Variants in ZFP92 observed in about 807,000 individuals in gnomAD.
ZFP92 encodes ZFP92 zinc finger protein, also known as zinc finger protein 92 homolog.
In ZFP92, 2 loss-of-function variants were observed where a neutral mutation model predicts 7.6. The ratio of observed to expected loss-of-function variants is 0.26; its 90% CI spans 0.11 to 0.83. The LOEUF (loss-of-function observed/expected upper bound fraction) is 0.83, where lower values mean the gene tolerates loss of function less well. ZFP92 is among the 40% of genes least tolerant of loss of function. The probability of loss-of-function intolerance (pLI) is 0.65; values close to 1 mark genes in which losing one functional copy is unlikely to be tolerated. For missense variants in ZFP92, 324 were observed against 408.3 expected (o/e 0.79, Z 1.78); for synonymous variants, 226 against 183.6 (o/e 1.23, Z -1.87).
chrX:153,421,621 G>A lies in ZFP92; in HGVS notation c.1244G>A (p.Arg415His), dbSNP rs2089005808. ...GCCGCCAGGCCTTCCAGGCCCAGCC[G>A]CCGCTGACTCCCCGCCAGCGCACCC... The part of the protein sequence containing the change: ...STAARPSRPS[R>H]R Residue 415 changes from arginine to histidine, a missense_variant, in exon 6 of 6, where the codon CGC becomes CAC. By Grantham distance (29) the Arg-to-His change is conservative. Transcript: ENST00000338647. 7 of 986,158 alleles carry A rather than the reference G, an allele frequency of 7.1e-6. No individual in the cohort carries two copies. Among genetic ancestry groups the A allele is most frequent in the African/African-American group, 2.0e-5 (1 of 48,867 alleles). The allele number at this position is 986,158 out of a possible 1,213,427, so 81.3% of individuals were successfully genotyped here. A position where few individuals can be genotyped will look rare whatever the true frequency, so the allele number is the denominator to read the frequency against.
intron 2 of ZFP92, among the ~76,000 whole-genome samples, chrX:153,414,134 C>T (rs1556973412): frequency 2.7e-5 from 3 of 112,229 alleles, no homozygotes; most frequent in Non-Finnish European, 5.6e-5. Context: ...AAAAAATGAG[C>T]TTATGCTGCT....
chrX:153,411,892 G>GAA (rs369394863), intron 1 of ZFP92, among the ~76,000 whole-genome samples, 73 bp from the exon 2 acceptor site: 1 of 8 alleles, frequency 0.12, no homozygotes, highest in Non-Finnish European at 0.17. Flanking sequence ...GGCGCCAGGG[G>GAA]AAGAGCCATC....
At position 153,411,499 on chromosome X, in the gene ZFP92, A is replaced by C. The variant is rs782800048; in HGVS notation, c.-272A>C. On this transcript the variant is annotated 5_prime_UTR_variant, in exon 1 of 6. Coordinates refer to ENST00000338647, the MANE Select transcript of ZFP92 (RefSeq NM_001136273.2). The stretch of plus-strand genomic sequence containing the variant: ...CCGCTCCCGGCCCGCTCGTCGGCGC[A>C]CCAGACTGAGACTCCCCTTCAGGAC... Among the ~76,000 whole-genome samples, 194 of 111,620 alleles carry C rather than the reference A, an allele frequency of 1.7e-3. No homozygotes were observed. Among genetic ancestry groups the C allele is most frequent in the African/African-American group, 6.0e-3 (185 of 30,825 alleles).
chrX:153,416,330 A>G (rs1220452645), intron 2 of ZFP92, among the ~76,000 whole-genome samples: 1 of 111,680 alleles, frequency 9.0e-6, no homozygotes, highest in East Asian at 2.8e-4. Context: ...TGGCATTTTG[A>G]TATGTGATAC....
chrX:153,417,792 A>G (rs1393705387), intron 2 of ZFP92, among the ~76,000 whole-genome samples: 2 of 111,670 alleles, frequency 1.8e-5, no homozygotes, highest in African/African-American at 6.5e-5. Flanking sequence ...TGTGACTGTG[A>G]CCTCATTTGG....
Position 153,421,456 on chromosome X carries a change from G to A in ZFP92, c.1079G>A (p.Arg360His), listed in dbSNP as rs1357616650. 8.7e-7 allele frequency: 1 copy of A among 1,150,154 alleles called. No individual in the cohort carries two copies. 94.8% of individuals were successfully genotyped at this position (1,150,154 alleles called of 1,213,427 possible). ...CSDCGKAFGRRANLFKHQAVH... is the reference protein window; with the variant it reads ...CSDCGKAFGRHANLFKHQAVH... ...GACTGCGGCAAGGCCTTCGGCCGGC[G>A]CGCCAACCTATTCAAGCACCAGGCA... Residue 360 changes from arginine to histidine, a missense_variant, in exon 6 of 6, where the codon CGC becomes CAC. Coordinates refer to ENST00000338647, the MANE Select transcript of ZFP92 (RefSeq NM_001136273.2).
intron 3 of ZFP92, among the ~76,000 whole-genome samples, 154 bp downstream of exon 3, chrX:153,418,509 G>A (rs1051391235): frequency 1.2e-4 from 13 of 111,583 alleles, no homozygotes; most frequent in South Asian, 7.6e-4. Context: ...TGCCTCTGTC[G>A]GCTGTGCTGC....
rs1418577016 is a variant in ZFP92, at chrX:153,422,626, C to T, written c.*998C>T. On this transcript the variant is annotated 3_prime_UTR_variant, in exon 6 of 6. Coordinates refer to ENST00000338647, the MANE Select transcript of ZFP92 (RefSeq NM_001136273.2). ...TTACCTGCTCCTCCCCATCAGGCAGCCTCTCTTGCGGCTGGTGACGATTAG... is the reference window on the plus strand; with the variant it reads ...TTACCTGCTCCTCCCCATCAGGCAGTCTCTCTTGCGGCTGGTGACGATTAG... 9.0e-6 allele frequency: 1 copy of T among 110,697 alleles called. No homozygotes were observed. Among genetic ancestry groups the T allele is most frequent in the Non-Finnish European group, 1.9e-5 (1 of 52,843 alleles). The allele number at this position is 110,697 out of a possible 1,213,427, so 9.1% of individuals were successfully genotyped here. A position where few individuals can be genotyped will look rare whatever the true frequency, so the allele number is the denominator to read the frequency against.
Position 153,420,812 on chromosome X carries a change from C to A in ZFP92, c.435C>A (p.Pro145=). 1 of 1,170,089 alleles carries A rather than the reference C, an allele frequency of 8.5e-7. No homozygotes were observed. ...GTTCGGCTGCGGGGCCGCAGGGCCCCAAAGGCGCGGAGAAGCGGTACCTGT... is the reference window on the plus strand; with the variant it reads ...GTTCGGCTGCGGGGCCGCAGGGCCCAAAAGGCGCGGAGAAGCGGTACCTGT... ...GQSSAAGPQG[P]KGAEKRYLCQ... The change falls in exon 6 of 6, where the codon CCC becomes CCA. Residue 145 remains proline, a synonymous_variant. Transcript: ENST00000338647.
intron 4 of ZFP92, 93 bp from the exon 5 acceptor site, chrX:153,420,135 C>A (rs1331801194): frequency 1.6e-5 from 11 of 670,091 alleles, no homozygotes; most frequent in Non-Finnish European, 2.4e-5. Context: ...TCTTTATTCT[C>A]TGTTACCTGA....
rs1479854746 is a variant in ZFP92, at chrX:153,424,178, A to G, written c.*2550A>G. 8.9e-6 allele frequency: 1 copy of G among 112,148 alleles called. No individual in the cohort carries two copies. The highest frequency in any genetic ancestry group is 1.9e-5 in the Non-Finnish European group (1 of 53,233). 9.2% of individuals were successfully genotyped at this position (112,148 alleles called of 1,213,427 possible). On this transcript the variant is annotated 3_prime_UTR_variant, in exon 6 of 6. Coordinates refer to ENST00000338647, the MANE Select transcript of ZFP92 (RefSeq NM_001136273.2). ...AGGACAAGGTACAGGAGTTTTCAGC[A>G]GAAAGTGGAGTTGCCAGGAGAGATG...
chrX:153,418,960 G>A (rs1430132365), intron 4 of ZFP92, among the ~76,000 whole-genome samples, 161 bp downstream of exon 4: 1 of 112,593 alleles, frequency 8.9e-6, no homozygotes, highest in South Asian at 3.7e-4. Context: ...CAGGCCAGCC[G>A]CCATCTCAGT....
chrX:153,417,520 C>G (rs1032834214), intron 2 of ZFP92, among the ~76,000 whole-genome samples: 4 of 111,926 alleles, frequency 3.6e-5, no homozygotes, highest in Non-Finnish European at 7.5e-5. Flanking sequence ...CCTTAAGAAT[C>G]CCGACCTGAG....
At chrX:153,416,620 G>T (rs2088953672) in intron 2 of ZFP92, among the ~76,000 whole-genome samples, 1 of 111,841 alleles carries the variant, frequency 8.9e-6, no homozygotes, top group Non-Finnish European at 1.9e-5. Flanking sequence ...CCAACAAAAT[G>T]GAAATCCCAG....
In ZFP92 at chrX:153,419,769, T is replaced by C. The variant is rs782110081; in HGVS notation, c.161-459T>C. Among the ~76,000 whole-genome samples, 5 of 112,772 alleles carry C rather than the reference T, an allele frequency of 4.4e-5. No homozygotes were observed. The South Asian group carries it at 1.8e-3, about 41-fold the overall frequency. On this transcript the variant is annotated intron_variant, in intron 4 of 5. Coordinates refer to ENST00000338647, the MANE Select transcript of ZFP92 (RefSeq NM_001136273.2). ...GCAGCTTCATCCCCTGGATTCCTTCTGACACTCACCAGGCAGACCTGGGGT... is the reference window on the plus strand; with the variant it reads ...GCAGCTTCATCCCCTGGATTCCTTCCGACACTCACCAGGCAGACCTGGGGT...
rs150355930 is a variant in ZFP92 at position 153,417,678 on chromosome X, G to A, written c.-18-627G>A. Among the ~76,000 whole-genome samples the A allele has an allele frequency of 2.4e-3, 268 of 111,837 alleles. 2 individuals are homozygous for A. Among genetic ancestry groups the A allele is most frequent in the African/African-American group, 7.8e-3 (241 of 30,751 alleles). On this transcript the variant is annotated intron_variant, in intron 2 of 5. Transcript: ENST00000338647. ...GGCTCCCTCGAAAGCCTGGTCAGGC[G>A]AGCGCCAGTATGGAAGTGGGCATGG...
In ZFP92 at chrX:153,424,341, C is replaced by G. The variant is rs529082648; in HGVS notation, c.*2713C>G. The G allele has an allele frequency of 4.4e-5, 5 of 112,555 alleles. No homozygotes were observed. The South Asian group carries it at 1.8e-3, about 41-fold the overall frequency. 9.3% of individuals were successfully genotyped at this position (112,555 alleles called of 1,213,427 possible). ...ATTTAGCTCCCCATAATGACATTCTCACTGCAAGGTGGTCATTGCTATCAT... is the reference window on the plus strand; with the variant it reads ...ATTTAGCTCCCCATAATGACATTCTGACTGCAAGGTGGTCATTGCTATCAT... On this transcript the variant is annotated 3_prime_UTR_variant, in exon 6 of 6. Transcript: ENST00000338647.
rs182391228 is a variant in ZFP92 at position 153,414,546 on chromosome X, A to C, written c.-19+2533A>C. Among the ~76,000 whole-genome samples, 3 of 111,053 alleles carry C rather than the reference A, an allele frequency of 2.7e-5. 1 individual carries two copies. The highest frequency in any genetic ancestry group is 5.7e-5 in the Non-Finnish European group (3 of 52,956). The stretch of plus-strand genomic sequence containing the variant: ...GTATTTTTTGTAGAGATGGGATCTC[A>C]CTATGTTGGCCAGGCTGGTCTCCAA... On this transcript the variant is annotated intron_variant, in intron 2 of 5. Transcript: ENST00000338647.
rs1423273098 is a variant in ZFP92, at chrX:153,411,644, C to T, written c.-127C>T. 8.8e-6 allele frequency among the ~76,000 whole-genome samples: 1 copy of T among 113,114 alleles called. No individual in the cohort carries two copies. Among genetic ancestry groups the T allele is most frequent in the Non-Finnish European group, 1.9e-5 (1 of 53,182 alleles). ...TTCTAGGAGGAGGCGGCGGCCTTGG[C>T]CTCGGGCCTGCCGGGAGCAGGAAGG... On this transcript the variant is annotated 5_prime_UTR_variant, in exon 1 of 6. Transcript: ENST00000338647.
Sources: allele counts gnomAD v4.1 joint callset (sites outside exome capture counted in the v4.1 genomes callset), GRCh38; gene constraint gnomAD v4.1.1; transcripts MANE v1.5; gene names NCBI Gene and HGNC (gene_info 2026-07-23, HGNC 2026-07-21).